Variants in NEDD9 observed in about 807,000 individuals in gnomAD.
NEDD9 encodes neural precursor cell expressed, developmentally down-regulated 9, also known as enhancer of filamentation 1.
NEDD9 carries 26 observed loss-of-function variants against 76.6 expected under a neutral mutation model. That is an observed-to-expected ratio of 0.34 (90% CI 0.25 to 0.47). NEDD9 has a LOEUF of 0.47. NEDD9 is among the 20% of genes least tolerant of loss of function. NEDD9 has a pLI of 1.00. For synonymous variants in NEDD9, 392 were observed against 414.2 expected, an observed-to-expected ratio of 0.95 and a Z score of 0.65; for missense variants, 937 against 1,058.5, an observed-to-expected ratio of 0.89 and a Z score of 1.59.
chr6:11,289,951 A>G (rs1477954914), intron 3 of NEDD9, among the ~76,000 whole-genome samples: 2 of 152,184 alleles, frequency 1.3e-5, no homozygotes, highest in Non-Finnish European at 2.9e-5. Flanking sequence ...AAAAAATCCT[A>G]TAGATATATA....
At chr6:11,329,759 G>T (rs1235263094) in intron 2 of NEDD9, among the ~76,000 whole-genome samples, 2 of 152,016 alleles carry the variant, frequency 1.3e-5, no homozygotes, top group Non-Finnish European at 2.9e-5. Context: ...CCACAACTGG[G>T]TGGGGGGGGC....
chr6:11,195,423 A>G (rs1758267247), intron 2 of NEDD9, among the ~76,000 whole-genome samples: 1 of 151,956 alleles, frequency 6.6e-6, no homozygotes, highest in Non-Finnish European at 1.5e-5. Context: ...TTGCTAAAGA[A>G]AAACACAATG....
chr6:11,292,261 G>T (rs143018525), intron 3 of NEDD9, among the ~76,000 whole-genome samples: 7 of 152,184 alleles, frequency 4.6e-5, no homozygotes, highest in Non-Finnish European at 1.0e-4. Context: ...CAAGAAAAGC[G>T]TCTGGTAGGC....
chr6:11,380,401 C>T (rs932560765), intron 1 of NEDD9, among the ~76,000 whole-genome samples: 6 of 152,212 alleles, frequency 3.9e-5, no homozygotes, highest in Admixed American at 1.3e-4. Context: ...AGCTTGATTC[C>T]GTGTAGATTA....
At chr6:11,243,727 C>T (rs1292789630) in intron 3 of NEDD9, among the ~76,000 whole-genome samples, 2 of 152,214 alleles carry the variant, frequency 1.3e-5, no homozygotes, top group African/African-American at 4.8e-5. Context: ...GTTCCATTCT[C>T]AGCTCCTTTT....
intron 3 of NEDD9, among the ~76,000 whole-genome samples, chr6:11,293,097 A>G (rs771452902): frequency 1.3e-5 from 2 of 152,194 alleles, no homozygotes; most frequent in African/African-American, 2.4e-5. Context: ...GTAATCATTC[A>G]CTGCCAATGA....
chr6:11,324,211 C>T (rs1380068453), intron 2 of NEDD9, among the ~76,000 whole-genome samples: 1 of 152,208 alleles, frequency 6.6e-6, no homozygotes, highest in East Asian at 1.9e-4. Context: ...GGCTGAGTGT[C>T]TTAGTTAACC....
intron 3 of NEDD9, among the ~76,000 whole-genome samples, chr6:11,294,075 G>A (rs1213215794): frequency 6.6e-6 from 1 of 151,980 alleles, no homozygotes; most frequent in Non-Finnish European, 1.5e-5. Flanking sequence ...TCATGTATTA[G>A]TAGAATCAAC....
chr6:11,307,766 CAT>C (rs1561826265), intron 2 of NEDD9, among the ~76,000 whole-genome samples: 3 of 152,174 alleles, frequency 2.0e-5, no homozygotes, highest in Admixed American at 6.5e-5. Context: ...CAGGTCAAGA[CAT>C]AGAGTACTGC....
chr6:11,353,252 C>T (rs1011483297), intron 1 of NEDD9, among the ~76,000 whole-genome samples: 1 of 152,202 alleles, frequency 6.6e-6, no homozygotes, highest in African/African-American at 2.4e-5. Flanking sequence ...TCTCCTTGCA[C>T]CTGCGAATGT....
chr6:11,368,212 A>C (rs919247185), intron 1 of NEDD9, among the ~76,000 whole-genome samples: 4 of 152,254 alleles, frequency 2.6e-5, no homozygotes, highest in African/African-American at 9.6e-5. Context: ...CCAGAAACCC[A>C]AACAGATGGA....
chr6:11,229,460 T>C (rs868357455), intron 1 of NEDD9, among the ~76,000 whole-genome samples: 3 of 151,446 alleles, frequency 2.0e-5, no homozygotes, highest in African/African-American at 7.3e-5. Context: ...CAAACACAGC[T>C]GCGCAGAGAC....
intron 3 of NEDD9, among the ~76,000 whole-genome samples, chr6:11,255,513 T>C (rs1352777646): frequency 1.3e-5 from 2 of 151,992 alleles, no homozygotes; most frequent in Non-Finnish European, 2.9e-5. Context: ...CAAGAGGTGG[T>C]GGGGGCCTGG....
chr6:11,362,269 T>G (rs981280909), intron 1 of NEDD9, among the ~76,000 whole-genome samples: 2 of 152,212 alleles, frequency 1.3e-5, no homozygotes. Flanking sequence ...TTTCAGAATG[T>G]TAGTCTCCAG....
chr6:11,301,867 T>C (rs1326675960), intron 3 of NEDD9, among the ~76,000 whole-genome samples: 2 of 152,198 alleles, frequency 1.3e-5, no homozygotes, highest in African/African-American at 4.8e-5. Context: ...TTTAGAGCAG[T>C]GTGTAGAGGG....
At chr6:11,217,933 G>C (rs10947037) in intron 1 of NEDD9, among the ~76,000 whole-genome samples, 30,158 of 152,048 alleles carry the variant, frequency 0.2, 3,179 homozygotes, top group African/African-American at 0.23. Flanking sequence ...TTCGTTCTCT[G>C]TCTTCTCTTG....
chr6:11,270,153 CTT>C (rs1760273664), intron 3 of NEDD9, among the ~76,000 whole-genome samples: 1 of 152,200 alleles, frequency 6.6e-6, no homozygotes, highest in Non-Finnish European at 1.5e-5. Flanking sequence ...AATCCACTCT[CTT>C]GTTGATAAAC....
intron 2 of NEDD9, among the ~76,000 whole-genome samples, chr6:11,210,789 G>GAGAGAGAGAGAT (rs1304500304): frequency 1.3e-5 from 2 of 151,088 alleles, no homozygotes; most frequent in East Asian, 1.9e-4. Context: ...GAGAGAGAGA[G>GAGAGAGAGAGAT]AGATAGAAAA....
At chr6:11,365,085 G>A (rs1762738126) in intron 1 of NEDD9, among the ~76,000 whole-genome samples, 1 of 152,228 alleles carries the variant, frequency 6.6e-6, no homozygotes, top group African/African-American at 2.4e-5. Flanking sequence ...TGGCGACTAT[G>A]TTTTCTGCCA....
Sources: allele counts gnomAD v4.1 joint callset (sites outside exome capture counted in the v4.1 genomes callset), GRCh38; gene constraint gnomAD v4.1.1; transcripts MANE v1.5; gene names NCBI Gene and HGNC (gene_info 2026-07-23, HGNC 2026-07-21).